CCDC170: variants seen among roughly 807,000 people sequenced by gnomAD.
CCDC170 encodes coiled-coil domain containing 170.
CCDC170 carries 69 observed loss-of-function variants against 72.6 expected under a neutral mutation model. That is an observed-to-expected ratio of 0.95 (90% CI 0.78 to 1.16). CCDC170 has a LOEUF of 1.16. CCDC170 is among the 50% of genes most tolerant of loss of function. CCDC170 has a pLI of 0.00. For missense variants in CCDC170, 852 were observed against 832.5 expected, an observed-to-expected ratio of 1.02 and a Z score of -0.29; for synonymous variants, 300 against 303.9, an observed-to-expected ratio of 0.99 and a Z score of 0.13.
intron 8 of CCDC170, among the ~76,000 whole-genome samples, chr6:151,595,787 CCAG>C (rs2115118302): frequency 6.6e-6 from 1 of 152,150 alleles, no homozygotes; most frequent in East Asian, 1.9e-4. Flanking sequence ...CCACTACACC[CCAG>C]CCTGCACAAT....
chr6:151,560,605 A>G (rs1286907104), intron 5 of CCDC170, among the ~76,000 whole-genome samples: 2 of 152,064 alleles, frequency 1.3e-5, no homozygotes, highest in Non-Finnish European at 2.9e-5. Context: ...CTTTTCTTAT[A>G]TCTATTAATA....
At chr6:151,514,377 A>AAGGGAGGGAGGGAGGGGGGGAGGG (rs1583004674) in intron 1 of CCDC170, among the ~76,000 whole-genome samples, 1 of 104,074 alleles carries the variant, frequency 9.6e-6, no homozygotes, top group Admixed American at 1.0e-4. Flanking sequence ...GGGAGGGAGG[A>AAGGGAGGGAGGGAGGGGGGGAGGG]AGGAAGGAAG....
rs1391576406 is a variant in CCDC170, at chr6:151,587,374, AAG to A, written c.1293+1290_1293+1291del. 5.9e-5 allele frequency among the ~76,000 whole-genome samples: 9 copies of A among 152,108 alleles called. No homozygotes were observed. In the South Asian group the frequency reaches 1.9e-3, roughly 32 times the overall value. On this transcript the variant is annotated intron_variant, in intron 7 of 10. Coordinates refer to ENST00000239374, the MANE Select transcript of CCDC170 (RefSeq NM_025059.4). ...AGTGTGAAGTCTGGTGACCAAAGAG[AAG>A]AGAGGCATGAGGCAGTGGCTGTGAA...
In CCDC170 at chr6:151,500,765, G is replaced by A. The variant is rs148734325; in HGVS notation, c.57+6580G>A. Among the ~76,000 whole-genome samples the A allele has an allele frequency of 1.3e-3, 200 of 152,140 alleles. 1 individual carries two copies. Among genetic ancestry groups the A allele is most frequent in the African/African-American group, 4.6e-3 (193 of 41,524 alleles). ...AAATGTATATGTTCCTAAGAACACA[G>A]CATCAAAATAGAAAAACAAAAATTG... On this transcript the variant is annotated intron_variant, in intron 1 of 10. Coordinates refer to ENST00000239374, the MANE Select transcript of CCDC170 (RefSeq NM_025059.4).
chr6:151,590,125 ACC>A (rs1378499635), intron 7 of CCDC170, among the ~76,000 whole-genome samples: 2 of 152,016 alleles, frequency 1.3e-5, no homozygotes, highest in Non-Finnish European at 2.9e-5. Flanking sequence ...TAAGAGACTT[ACC>A]TATCTTTCCT....
At chr6:151,604,309 T>A (rs554894314) in intron 9 of CCDC170, among the ~76,000 whole-genome samples, 3 of 152,154 alleles carry the variant, frequency 2.0e-5, no homozygotes, top group Non-Finnish European at 2.9e-5. Flanking sequence ...ATGATGTAGA[T>A]CCATTGGATT....
intron 1 of CCDC170, among the ~76,000 whole-genome samples, chr6:151,504,644 A>G (rs948393604): frequency 3.3e-5 from 5 of 152,020 alleles, no homozygotes; most frequent in African/African-American, 1.2e-4. Flanking sequence ...GAGGGATGGG[A>G]AGTTTTGCTG....
chr6:151,608,372 C>CT (rs2115135839), intron 9 of CCDC170, among the ~76,000 whole-genome samples: 1 of 152,196 alleles, frequency 6.6e-6, no homozygotes, highest in African/African-American at 2.4e-5. Flanking sequence ...GGTGTACTTG[C>CT]TTTTTTCATG....
At chr6:151,539,074 C>T (rs559395505) in intron 3 of CCDC170, among the ~76,000 whole-genome samples, 3 of 151,972 alleles carry the variant, frequency 2.0e-5, no homozygotes, top group Non-Finnish European at 4.4e-5. Flanking sequence ...CCAGCCTGGC[C>T]AACATGGTGA....
At chr6:151,511,102 T>C (rs1019786975) in intron 1 of CCDC170, among the ~76,000 whole-genome samples, 2 of 152,194 alleles carry the variant, frequency 1.3e-5, no homozygotes, top group Admixed American at 1.3e-4. Context: ...GATGAACAAT[T>C]CATGGCTTTG....
At chr6:151,592,856 A>G (rs543466824) in intron 7 of CCDC170, among the ~76,000 whole-genome samples, 1 of 152,224 alleles carries the variant, frequency 6.6e-6, no homozygotes, top group African/African-American at 2.4e-5. Context: ...TAAGAAAAGT[A>G]TATAATATTC....
rs9397067 is a variant in CCDC170 at position 151,599,716 on chromosome 6, C to T, written c.1710+3139C>T. On this transcript the variant is annotated intron_variant, in intron 9 of 10. Coordinates refer to ENST00000239374, the MANE Select transcript of CCDC170 (RefSeq NM_025059.4). ...GTCAACTATACCAAGTACAGCAGTGCGATAATGACTGAAGGAGTGTCCACT... is the reference window on the plus strand; with the variant it reads ...GTCAACTATACCAAGTACAGCAGTGTGATAATGACTGAAGGAGTGTCCACT... Among the ~76,000 whole-genome samples, 8 of 151,908 alleles carry T rather than the reference C, an allele frequency of 5.3e-5. No individual in the cohort carries two copies. In the South Asian group the frequency reaches 1.5e-3, roughly 28 times the overall value.
At chr6:151,571,503 A>G (rs1189370069) in intron 5 of CCDC170, among the ~76,000 whole-genome samples, 1 of 152,152 alleles carries the variant, frequency 6.6e-6, no homozygotes, top group Non-Finnish European at 1.5e-5. Flanking sequence ...CGAAGCGGGT[A>G]GATCACCTGA....
At chr6:151,553,993 T>G (rs977625093) in intron 5 of CCDC170, among the ~76,000 whole-genome samples, 5 of 146,060 alleles carry the variant, frequency 3.4e-5, no homozygotes, top group African/African-American at 1.2e-4. Context: ...TCTACATAAC[T>G]CAGCTTTTCT....
chr6:151,611,235 A>G (rs1317492573), intron 9 of CCDC170, among the ~76,000 whole-genome samples: 2 of 149,970 alleles, frequency 1.3e-5, no homozygotes, highest in Non-Finnish European at 3.0e-5. Flanking sequence ...AGATTGTGCC[A>G]CTTCACTCCA....
intron 1 of CCDC170, among the ~76,000 whole-genome samples, chr6:151,501,569 G>A (rs1476849446): frequency 6.6e-6 from 1 of 152,138 alleles, no homozygotes. Context: ...CTTCATTTTA[G>A]CTTTAACATT....
At chr6:151,533,203 G>A (rs1274302828) in intron 1 of CCDC170, among the ~76,000 whole-genome samples, 21 of 151,582 alleles carry the variant, frequency 1.4e-4, no homozygotes, top group African/African-American at 3.1e-4. Flanking sequence ...ACAGGCGCCC[G>A]CCACCACACC....
intron 7 of CCDC170, among the ~76,000 whole-genome samples, chr6:151,587,739 G>T (rs1776475874): frequency 6.6e-6 from 1 of 152,208 alleles, no homozygotes; most frequent in South Asian, 2.1e-4. Flanking sequence ...AGTGCGCTTA[G>T]TGCAATAGTA....
chr6:151,536,514 C>A, intron 2 of CCDC170, 68 bp downstream of exon 2: 1 of 1,559,578 alleles, frequency 6.4e-7, no homozygotes, highest in Non-Finnish European at 8.8e-7. Flanking sequence ...AAACAGATCA[C>A]GCCTGTAATC....
Sources: allele counts gnomAD v4.1 joint callset (sites outside exome capture counted in the v4.1 genomes callset), GRCh38; gene constraint gnomAD v4.1.1; transcripts MANE v1.5; gene names NCBI Gene and HGNC (gene_info 2026-07-23, HGNC 2026-07-21).